Variants in HTR4 observed in about 807,000 individuals in gnomAD.
HTR4 encodes the protein 5-hydroxytryptamine (serotonin) receptor 4, G protein-coupled.
In HTR4, 16 loss-of-function variants were observed where a neutral mutation model predicts 36.8. The observed-to-expected ratio is 0.43, with a 90% CI of 0.29 to 0.66. HTR4 has a LOEUF of 0.66. HTR4 is among the 30% of genes least tolerant of loss of function. HTR4 has a pLI of 0.13. For synonymous variants in HTR4, 189 were observed against 185.1 expected, an observed-to-expected ratio of 1.02 and a Z score of -0.17; for missense variants, 438 against 490.9, an observed-to-expected ratio of 0.89 and a Z score of 1.02.
intron 2 of HTR4, among the ~76,000 whole-genome samples, chr5:148,623,756 C>T (rs751295586): frequency 2.6e-5 from 4 of 152,240 alleles, no homozygotes; most frequent in South Asian, 2.1e-4. Flanking sequence ...CCCGTGCTAA[C>T]GTTCTAGGTC....
chr5:148,568,134 C>A (rs906843480), intron 2 of HTR4, among the ~76,000 whole-genome samples: 2 of 152,124 alleles, frequency 1.3e-5, no homozygotes, highest in African/African-American at 4.8e-5. Context: ...TTCCTCAAGA[C>A]GTTATATATG....
At chr5:148,616,221 A>G (rs953858418) in intron 2 of HTR4, among the ~76,000 whole-genome samples, 1 of 152,202 alleles carries the variant, frequency 6.6e-6, no homozygotes, top group Non-Finnish European at 1.5e-5. Context: ...GGGAAAAGGC[A>G]CACTTATTTT....
chr5:148,649,832 A>AT (rs1753981322), intron 1 of HTR4, among the ~76,000 whole-genome samples: 1 of 152,106 alleles, frequency 6.6e-6, no homozygotes, highest in Admixed American at 6.5e-5. Flanking sequence ...AATCAGATAT[A>AT]TTTTCATTCT....
Position 148,565,864 on chromosome 5 carries a change from T to C in HTR4, c.27-15602A>G, listed in dbSNP as rs537447652. 3.3e-5 allele frequency among the ~76,000 whole-genome samples: 5 copies of C among 152,280 alleles called. No homozygotes were observed. In the East Asian group the frequency reaches 5.8e-4, roughly 18 times the overall value. ...ATCTCTAGAGCCAAAGACAGAATCA[T>C]GTAAAGGAGGCTCATTTGGAAAAGC... On this transcript the variant is annotated intron_variant, in intron 2 of 6. Coordinates refer to ENST00000377888, the MANE Select transcript of HTR4 (RefSeq NM_000870.7).
intron 6 of HTR4, among the ~76,000 whole-genome samples, chr5:148,485,076 A>G (rs1756086237): frequency 6.6e-6 from 1 of 152,078 alleles, no homozygotes; most frequent in Non-Finnish European, 1.5e-5. Flanking sequence ...GGAGAGAGGG[A>G]AGAAAGAAAA....
intron 6 of HTR4, among the ~76,000 whole-genome samples, chr5:148,488,249 T>G (rs1205978802): frequency 6.6e-6 from 1 of 152,182 alleles, no homozygotes; most frequent in Non-Finnish European, 1.5e-5. Flanking sequence ...TCTCAGAGAA[T>G]GGGCACAGCA....
At chr5:148,648,541 A>ATG (rs1372509784) in intron 1 of HTR4, among the ~76,000 whole-genome samples, 1 of 152,228 alleles carries the variant, frequency 6.6e-6, no homozygotes, top group Non-Finnish European at 1.5e-5. Context: ...AAGCCACAGT[A>ATG]TGTGATTCTC....
intron 6 of HTR4, among the ~76,000 whole-genome samples, chr5:148,492,808 G>A (rs1024199416): frequency 6.6e-6 from 1 of 152,182 alleles, no homozygotes; most frequent in East Asian, 1.9e-4. Flanking sequence ...CTAAATGGTA[G>A]ATCTCAGACA....
At chr5:148,574,380 G>C (rs1760802243) in intron 2 of HTR4, among the ~76,000 whole-genome samples, 1 of 143,864 alleles carries the variant, frequency 7.0e-6, no homozygotes, top group Non-Finnish European at 1.5e-5. Flanking sequence ...ATGCTGTAAG[G>C]CTCTCGCGCG....
At chr5:148,628,449 G>A (rs1292468160) in intron 2 of HTR4, 2 of 152,226 alleles carry the variant, frequency 1.3e-5, no homozygotes, top group Admixed American at 1.3e-4. Context: ...TCAAACAACA[G>A]TGATTTGATA....
downstream of HTR4, among the ~76,000 whole-genome samples, chr5:148,473,075 G>A (rs967349304): frequency 6.6e-6 from 1 of 152,002 alleles, no homozygotes; most frequent in Non-Finnish European, 1.5e-5. Context: ...CGAGGCGGGT[G>A]GATCACAAGG....
intron 5 of HTR4, among the ~76,000 whole-genome samples, chr5:148,464,290 G>T (rs1251076011): frequency 1.3e-5 from 2 of 152,060 alleles, no homozygotes; most frequent in Non-Finnish European, 1.5e-5. Flanking sequence ...TTAAGAGAAT[G>T]ATAAAGCAAG....
intron 4 of HTR4, among the ~76,000 whole-genome samples, chr5:148,544,667 T>C (rs866377565): frequency 3.3e-5 from 5 of 152,340 alleles, no homozygotes; most frequent in Middle Eastern, 3.4e-3. Context: ...GGTGCATTTA[T>C]TTTAATTATG....
At chr5:148,604,354 A>G (rs1292408143) in intron 2 of HTR4, among the ~76,000 whole-genome samples, 1 of 152,150 alleles carries the variant, frequency 6.6e-6, no homozygotes, top group Non-Finnish European at 1.5e-5. Flanking sequence ...AAAGACTTGA[A>G]CAAAATCTTC....
At chr5:148,531,705 A>G (rs1334212715) in intron 4 of HTR4, among the ~76,000 whole-genome samples, 3 of 152,288 alleles carry the variant, frequency 2.0e-5, no homozygotes, top group African/African-American at 7.2e-5. Flanking sequence ...TTCCTCTAAA[A>G]ATCAATTTTC....
chr5:148,637,083 G>T (rs1483759581), intron 1 of HTR4, 22 bp from the exon 2 acceptor site: 1 of 1,520,394 alleles, frequency 6.6e-7, no homozygotes, highest in Admixed American at 1.7e-5. Flanking sequence ...GAAGTAAAAA[G>T]ATGTTATAAA....
chr5:148,505,366 CAT>C (rs1757144004), intron 6 of HTR4, among the ~76,000 whole-genome samples: 1 of 152,114 alleles, frequency 6.6e-6, no homozygotes, highest in Non-Finnish European at 1.5e-5. Flanking sequence ...ATTGATGGGA[CAT>C]ATATCAAAAT....
At position 148,509,800 on chromosome 5, in the gene HTR4, G is replaced by T; in HGVS notation, c.732C>A (p.Asp244Glu). The T allele has an allele frequency of 6.2e-7, 1 of 1,614,010 alleles. No homozygotes were observed. The highest frequency in any genetic ancestry group is 8.5e-7 in the Non-Finnish European group (1 of 1,179,992). The change falls in exon 6 of 7, where the codon GAC becomes GAA. Residue 244 changes from aspartate to glutamate, a missense_variant. Asp to Glu is a conservative substitution (Grantham distance 45). Coordinates refer to ENST00000377888, the MANE Select transcript of HTR4 (RefSeq NM_000870.7). ...ASSESRPQSA[D>E]QHSTHRMRTE... ...TCCTCATGCGATGAGTGCTATGCTG[G>T]TCTGCCGACTGAGGCCTGCTCTCGG...
chr5:148,607,979 G>T (rs1752249971), intron 2 of HTR4, among the ~76,000 whole-genome samples: 1 of 152,044 alleles, frequency 6.6e-6, no homozygotes, highest in African/African-American at 2.4e-5. Context: ...TCAGAATACT[G>T]GAGGGCGACG....
Sources: gnomAD v4.1 joint callset for allele counts (sites outside exome capture counted in the v4.1 genomes callset) on GRCh38, gnomAD v4.1.1 for gene constraint, MANE v1.5 for transcripts, NCBI Gene and HGNC (gene_info 2026-07-23, HGNC 2026-07-21) for gene names.